Variants in DAB1 observed in about 807,000 individuals in gnomAD.
DAB1 encodes disabled homolog 1.
Under a neutral mutation model 64.6 loss-of-function variants are expected in DAB1, and 15 were observed. The observed-to-expected ratio is 0.23, with a 90% confidence interval of 0.16 to 0.36. The LOEUF (loss-of-function observed/expected upper bound fraction) is 0.36. Among genes scored for constraint, DAB1 ranks in the 10% least tolerant of loss-of-function variants. The pLI is 1.00. For synonymous variants in DAB1, 235 were observed against 251.9 expected (o/e 0.93, Z 0.64); for missense variants, 596 against 706.7 (o/e 0.84, Z 1.78).
chr1:57,949,167 G>A (rs1484013440), intron 5 of DAB1, among the ~76,000 whole-genome samples: 1 of 152,104 alleles, frequency 6.6e-6, no homozygotes, highest in Non-Finnish European at 1.5e-5. Context: ...TTTCCATGGG[G>A]GGGGCTGGGG....
chr1:58,534,795 G>A (rs1206009818), intron 1 of DAB1, among the ~76,000 whole-genome samples: 1 of 152,146 alleles, frequency 6.6e-6, no homozygotes, highest in East Asian at 1.9e-4. Flanking sequence ...AATTAGCCAG[G>A]CGTGGTGGCA....
intron 6 of DAB1, among the ~76,000 whole-genome samples, chr1:57,676,167 T>A (rs1414123737): frequency 6.6e-6 from 1 of 152,142 alleles, no homozygotes; most frequent in East Asian, 1.9e-4. Context: ...ATGCAGAAGT[T>A]GTGTGGCCAG....
intron 11 of DAB1, among the ~76,000 whole-genome samples, chr1:57,017,801 G>C (rs1365668193): frequency 6.6e-6 from 1 of 152,150 alleles, no homozygotes; most frequent in Non-Finnish European, 1.5e-5. Context: ...CTCGCCCATG[G>C]CATAATAATG....
intron 4 of DAB1, among the ~76,000 whole-genome samples, chr1:58,182,135 G>C (rs1656826860): frequency 6.6e-6 from 1 of 151,960 alleles, no homozygotes; most frequent in Non-Finnish European, 1.5e-5. Context: ...ATTTCTAGTA[G>C]GAAGTCAGTT....
intron 4 of DAB1, among the ~76,000 whole-genome samples, chr1:58,256,309 G>A (rs867371349): frequency 2.0e-5 from 3 of 152,204 alleles, no homozygotes; most frequent in Admixed American, 1.3e-4. Context: ...GAGTACCGAA[G>A]CCGGTGTGTG....
intron 7 of DAB1, among the ~76,000 whole-genome samples, chr1:57,644,438 A>G (rs535919129): frequency 1.7e-3 from 262 of 152,324 alleles, no homozygotes; most frequent in Non-Finnish European, 3.1e-3. Context: ...CTTATGAAGT[A>G]GGGAATTCCC....
chr1:57,808,418 G>T (rs1347889623), intron 6 of DAB1, among the ~76,000 whole-genome samples: 1 of 152,164 alleles, frequency 6.6e-6, no homozygotes, highest in African/African-American at 2.4e-5. Context: ...CCACCAGAGA[G>T]AAAGCGTAGT....
chr1:57,381,261 A>G (rs909760164), intron 1 of DAB1, among the ~76,000 whole-genome samples: 1 of 152,212 alleles, frequency 6.6e-6, no homozygotes, highest in African/African-American at 2.4e-5. Context: ...AACTTAGAAG[A>G]TAATAGAACA....
rs140103459 is a variant in DAB1, at chr1:57,920,226, C to T, written n.388-36064G>A. ...ACAAAGCCCTAAACAGCATTCTTTC[C>T]AAGGCCTTATTCAGTTGATGTTTGA... On this transcript the variant is annotated intron_variant and non_coding_transcript_variant, in intron 5 of 20. Transcript: ENST00000485760. 3.3e-5 allele frequency among the ~76,000 whole-genome samples: 5 copies of T among 152,278 alleles called. No individual in the cohort carries two copies. The East Asian group carries it at 9.7e-4, about 29-fold the overall frequency.
At chr1:57,492,980 C>T (rs1644182942) in intron 7 of DAB1, among the ~76,000 whole-genome samples, 2 of 152,192 alleles carry the variant, frequency 1.3e-5, no homozygotes, top group Middle Eastern at 3.4e-3. Flanking sequence ...CTTGCTCATC[C>T]CTAGGCTGCA....
chr1:58,416,656 G>A (rs1019285244), intron 3 of DAB1, among the ~76,000 whole-genome samples: 1 of 152,106 alleles, frequency 6.6e-6, no homozygotes, highest in Non-Finnish European at 1.5e-5. Flanking sequence ...TTTACAATTT[G>A]GGTGTATGAA....
chr1:58,254,444 C>T (rs1158536992), intron 4 of DAB1, among the ~76,000 whole-genome samples: 1 of 140,688 alleles, frequency 7.1e-6, no homozygotes, highest in Non-Finnish European at 1.5e-5. Flanking sequence ...GCACATTGTG[C>T]AGGTTAGTTA....
intron 2 of DAB1, among the ~76,000 whole-genome samples, chr1:57,265,379 A>T (rs1311875241): frequency 6.6e-6 from 1 of 152,100 alleles, no homozygotes; most frequent in Non-Finnish European, 1.5e-5. Flanking sequence ...TGCTTTGACT[A>T]CCCAGCCTAA....
intron 5 of DAB1, among the ~76,000 whole-genome samples, chr1:57,971,855 C>T (rs1645803943): frequency 6.6e-6 from 1 of 152,112 alleles, no homozygotes; most frequent in South Asian, 2.1e-4. Flanking sequence ...AATCAGTTAG[C>T]CAAACCAGAT....
At chr1:57,665,112 TTTG>T (rs1449371614) in intron 6 of DAB1, among the ~76,000 whole-genome samples, 2 of 152,022 alleles carry the variant, frequency 1.3e-5, no homozygotes, top group Non-Finnish European at 2.9e-5. Context: ...TATAAAAATA[TTTG>T]ACAAATGCAA....
At chr1:57,536,101 G>T (rs1045903343) in intron 7 of DAB1, among the ~76,000 whole-genome samples, 4 of 152,158 alleles carry the variant, frequency 2.6e-5, no homozygotes, top group Non-Finnish European at 5.9e-5. Flanking sequence ...CCTTTGATCA[G>T]CAAACATTAG....
chr1:57,868,194 G>T (rs1654386101), intron 1 of DAB1, among the ~76,000 whole-genome samples: 1 of 152,136 alleles, frequency 6.6e-6, no homozygotes, highest in Non-Finnish European at 1.5e-5. Context: ...CTATTAATTT[G>T]ATTAATAAGG....
At position 58,167,036 on chromosome 1, in the gene DAB1, T is replaced by C. The variant is rs903866757; in HGVS notation, n.310-16448A>G. ...GTGCTAGGAATATAGGTATGAGCCA[T>C]TGCACTCAGCCAACTATTAAAAAAA... On this transcript the variant is annotated intron_variant and non_coding_transcript_variant, in intron 4 of 20. Coordinates refer to the DAB1 transcript ENST00000485760. Among the ~76,000 whole-genome samples the C allele has an allele frequency of 5.9e-4, 84 of 141,646 alleles. 1 individual carries two copies. The highest frequency in any genetic ancestry group is 1.8e-3 in the African/African-American group (64 of 35,882). 92.9% of individuals were successfully genotyped at this position (141,646 alleles called of 152,430 possible).
intron 2 of DAB1, among the ~76,000 whole-genome samples, chr1:58,522,943 C>G (rs1264856228): frequency 6.6e-6 from 1 of 152,016 alleles, no homozygotes; most frequent in African/African-American, 2.4e-5. Context: ...AGAGGTAGAA[C>G]GGGAGACAGG....
Sources: gnomAD v4.1 joint callset for allele counts (sites outside exome capture counted in the v4.1 genomes callset) on GRCh38, gnomAD v4.1.1 for gene constraint, MANE v1.5 for transcripts, NCBI Gene and HGNC (gene_info 2026-07-23, HGNC 2026-07-21) for gene names.